The following MYOF variants were observed in gnomAD, a reference collection of about 807,000 sequenced individuals.
The protein encoded by MYOF is fer-1-like 3, myoferlin.
In MYOF, 244 loss-of-function variants were observed where a neutral mutation model predicts 284.2. That is an observed-to-expected ratio of 0.86 (90% CI 0.77 to 0.95). The LOEUF is 0.95. Ranked by LOEUF, MYOF falls within the 40% of genes least tolerant of loss-of-function variation. MYOF has a pLI of 0.00. For synonymous variants in MYOF, 904 were observed against 919.7 expected, an observed-to-expected ratio of 0.98 and a Z score of 0.31; for missense variants, 2,496 against 2,560.6, an observed-to-expected ratio of 0.97 and a Z score of 0.54.
intron 38 of MYOF, among the ~76,000 whole-genome samples, chr10:93,342,280 A>G (rs991806002): frequency 3.9e-5 from 6 of 152,242 alleles, no homozygotes; most frequent in African/African-American, 1.4e-4. Context: ...TGTACATTAC[A>G]TATACATGTA....
Position 93,407,423 on chromosome 10 carries a change from C to CAAA in MYOF, c.729+1361_729+1363dup, listed in dbSNP as rs144461915. 3.6e-3 allele frequency among the ~76,000 whole-genome samples: 136 copies of CAAA among 38,100 alleles called. 2 individuals carry two copies. Among genetic ancestry groups the CAAA allele is most frequent in the South Asian group, 7.6e-3 (5 of 656 alleles). 25.0% of individuals were successfully genotyped at this position (38,100 alleles called of 152,430 possible). The stretch of plus-strand genomic sequence containing the variant: ...AGCCTTGGCAACAGAGACTCTGTCT[C>CAAA]AAAAAAAAAAAAAAAAAAAAAAAAA... On this transcript the variant is annotated intron_variant, in intron 7 of 53. Coordinates refer to ENST00000359263, the MANE Select transcript of MYOF (RefSeq NM_013451.4).
At chr10:93,388,264 G>A (rs944355897) in intron 18 of MYOF, among the ~76,000 whole-genome samples, 25 of 152,284 alleles carry the variant, frequency 1.6e-4, no homozygotes, top group South Asian at 4.1e-4. Context: ...TCCCTTCACC[G>A]TACTTCAGCA....
intron 51 of MYOF, among the ~76,000 whole-genome samples, chr10:93,311,963 A>G (rs1318831898): frequency 6.6e-6 from 1 of 152,224 alleles, no homozygotes; most frequent in Non-Finnish European, 1.5e-5. Flanking sequence ...GACTGCAGAG[A>G]GAGAGCACAA....
rs748488289 is a variant in MYOF, at chr10:93,397,231, C to A, written c.1334+16G>T. ...TATTTTATGTTGAATTAGACACATA[C>A]GTATTTTCAACTCACCAGTCATATA... On this transcript the variant is annotated intron_variant, in intron 15 of 53. Transcript: ENST00000359263. 2 of 1,550,550 alleles carry A rather than the reference C, an allele frequency of 1.3e-6. No individual in the cohort carries two copies. The highest frequency in any genetic ancestry group is 1.4e-5 in the African/African-American group (1 of 73,256).
In MYOF at chr10:93,369,110, CT is replaced by C. The variant is rs66923086; in HGVS notation, c.2589+534del. On this transcript the variant is annotated intron_variant, in intron 25 of 53. Transcript: ENST00000359263. ...TATTGTTTTAGAAGTATTCAGACAG[CT>C]TTTTTTTTTTTTTTTTTTTTTGCCC... 4.0e-3 allele frequency among the ~76,000 whole-genome samples: 315 copies of C among 78,190 alleles called. 3 individuals are homozygous for C. Among genetic ancestry groups the C allele is most frequent in the Middle Eastern group, 9.8e-3 (1 of 102 alleles). The allele number at this position is 78,190 out of a possible 152,430, so 51.3% of individuals were successfully genotyped here. A position where few individuals can be genotyped will look rare whatever the true frequency, so the allele number is the denominator to read the frequency against.
intron 5 of MYOF, among the ~76,000 whole-genome samples, chr10:93,412,192 G>C (rs534363056): frequency 2.0e-5 from 3 of 152,192 alleles, no homozygotes; most frequent in Admixed American, 6.5e-5. Context: ...CCAGGACCAA[G>C]TTTTCACACT....
At chr10:93,362,255 GT>G (rs35080758) in intron 27 of MYOF, among the ~76,000 whole-genome samples, 2,456 of 145,640 alleles carry the variant, frequency 0.017, 18 homozygotes, top group Middle Eastern at 0.035. Flanking sequence ...GCCTGTTTTT[GT>G]TTTTTTTGAG....
chr10:93,424,929 ATTT>A (rs11376911), intron 5 of MYOF, among the ~76,000 whole-genome samples: 3 of 77,736 alleles, frequency 3.9e-5, no homozygotes, highest in African/African-American at 1.6e-4. Context: ...GGAGAATTCC[ATTT>A]TTTTTTTTTT....
intron 7 of MYOF, among the ~76,000 whole-genome samples, chr10:93,406,559 C>T (rs1306163140): frequency 4.9e-5 from 1 of 20,412 alleles, no homozygotes; most frequent in African/African-American, 6.4e-5. Context: ...AGCATCTTGC[C>T]TCCTCCCCAC....
intron 7 of MYOF, among the ~76,000 whole-genome samples, chr10:93,408,057 T>C (rs183854400): frequency 2.0e-3 from 307 of 152,204 alleles, no homozygotes; most frequent in African/African-American, 7.1e-3. Flanking sequence ...TTTTCCTTTT[T>C]TTAAAGGCAT....
chr10:93,405,384 A>C (rs1847507250), intron 7 of MYOF, among the ~76,000 whole-genome samples: 1 of 152,244 alleles, frequency 6.6e-6, no homozygotes, highest in African/African-American at 2.4e-5. Context: ...GAGTCTCTTC[A>C]GCTTCCAAAA....
intron 1 of MYOF, among the ~76,000 whole-genome samples, chr10:93,466,836 T>G (rs1192905539): frequency 1.3e-5 from 2 of 152,070 alleles, no homozygotes; most frequent in Non-Finnish European, 1.5e-5. Context: ...TAGCCTGGCA[T>G]GGTGGCTTGC....
intron 15 of MYOF, 131 bp from the exon 16 acceptor site, chr10:93,396,355 C>T (rs867106147): frequency 8.3e-6 from 5 of 605,572 alleles, no homozygotes; most frequent in Middle Eastern, 8.6e-4. Flanking sequence ...GAAATAATCA[C>T]GTCTAGTGGG....
At chr10:93,482,076 A>T in intron 1 of MYOF, 31 bp downstream of exon 1, 5 of 1,575,870 alleles carry the variant, frequency 3.2e-6, no homozygotes, top group Non-Finnish European at 4.4e-6. Context: ...CCAAAACAGG[A>T]CTTCAGAAAA....
At position 93,372,975 on chromosome 10, in the gene MYOF, A is replaced by C; in HGVS notation, c.2412T>G (p.Asn804Lys). 2 of 1,614,206 alleles carry C rather than the reference A, an allele frequency of 1.2e-6. No individual in the cohort carries two copies. The highest frequency in any genetic ancestry group is 1.7e-6 in the Non-Finnish European group (2 of 1,180,034). The stretch of plus-strand genomic sequence containing the variant: ...TTTTCCCACAGTATTTTCCAGATGC[A>C]TTCTCACCACTGGTGGAGTACAAGA... ...HQVLYSTSGE[N>K]ASGKYCGKTQ... The change falls in exon 24 of 54, where the codon AAT becomes AAG. Residue 804 changes from asparagine (N) to lysine (K), a missense_variant. Around this residue, in one of 3 missense-constraint regions of MYOF, gnomAD observed 2,436 missense variants for 2,480.7 expected, o/e 0.98. Coordinates refer to ENST00000359263, the MANE Select transcript of MYOF (RefSeq NM_013451.4).
chr10:93,442,041 C>CACACACACACACACACACAGAGAG (rs57700900), intron 3 of MYOF, among the ~76,000 whole-genome samples: 24 of 142,736 alleles, frequency 1.7e-4, no homozygotes, highest in East Asian at 1.4e-3. Flanking sequence ...CACACACACA[C>CACACACACACACACACACAGAGAG]AGAATAAACC....
At chr10:93,351,974 A>G in intron 32 of MYOF, 128 bp from the exon 33 acceptor site, 1 of 829,774 alleles carries the variant, frequency 1.2e-6, no homozygotes, top group South Asian at 2.0e-5. Context: ...GCCTGGAGAT[A>G]GGGTTTCTAG....
At chr10:93,342,322 C>G (rs1045380682) in intron 38 of MYOF, among the ~76,000 whole-genome samples, 1 of 149,020 alleles carries the variant, frequency 6.7e-6, no homozygotes, top group Non-Finnish European at 1.5e-5. Context: ...GTTATTGGCT[C>G]TTTCAAAGTG....
At chr10:93,356,105 GA>G (rs1185654121) in intron 30 of MYOF, among the ~76,000 whole-genome samples, 1 of 152,160 alleles carries the variant, frequency 6.6e-6, no homozygotes, top group Non-Finnish European at 1.5e-5. Context: ...TCAGAGTGCA[GA>G]AATACAAACA....
Sources: allele counts gnomAD v4.1 joint callset (sites outside exome capture counted in the v4.1 genomes callset), GRCh38; gene constraint gnomAD v4.1.1; regional missense constraint gnomAD v4.1.1; transcripts MANE v1.5; gene names NCBI Gene and HGNC (gene_info 2026-07-23, HGNC 2026-07-21).